The following ZFP14 variants were observed in gnomAD, a reference collection of about 807,000 sequenced individuals.
ZFP14 encodes the protein zinc finger protein 14 homolog.
A neutral mutation model predicts 54.5 loss-of-function variants in ZFP14; 22 were observed. The observed-to-expected ratio is 0.40, with a 90% CI of 0.29 to 0.58. ZFP14 has a LOEUF of 0.58. Ranked by LOEUF, ZFP14 falls within the 20% of genes least tolerant of loss-of-function variation. The pLI is 0.39. For synonymous variants in ZFP14, 159 were observed against 204.0 expected (o/e 0.78, Z 1.88); for missense variants, 470 against 637.8 (o/e 0.74, Z 2.83).
Position 36,376,710 on chromosome 19 carries a change from G to A in ZFP14, c.-80+2453C>T, listed in dbSNP as rs528153770. On this transcript the variant is annotated intron_variant, in intron 1 of 4. Transcript: ENST00000270001. The stretch of plus-strand genomic sequence containing the variant: ...GAAAAATATTAAATTACAACCTAAC[G>A]GTAACAAATCTACTGTGCACTTATT... Among the ~76,000 whole-genome samples, 15 of 152,158 alleles carry A rather than the reference G, an allele frequency of 9.9e-5. No individual in the cohort carries two copies. In the East Asian group the frequency reaches 1.5e-3, roughly 16 times the overall value.
chr19:36,377,489 G>T (rs1376410145), intron 1 of ZFP14, among the ~76,000 whole-genome samples: 2 of 151,826 alleles, frequency 1.3e-5, no homozygotes, highest in East Asian at 3.9e-4. Flanking sequence ...CCAGGCTGCA[G>T]GGAGCGAGAT....
At chr19:36,378,432 C>T (rs1264708843) in intron 1 of ZFP14, 1 of 152,202 alleles carries the variant, frequency 6.6e-6, no homozygotes, top group Non-Finnish European at 1.5e-5. Context: ...CTGTCTCTTC[C>T]TTCCTAGCCT....
At chr19:36,367,356 C>T (rs2031810309) in intron 2 of ZFP14, among the ~76,000 whole-genome samples, 1 of 152,150 alleles carries the variant, frequency 6.6e-6, no homozygotes, top group African/African-American at 2.4e-5. Flanking sequence ...CTCATTTCCG[C>T]TTTCTCACAG....
intron 1 of ZFP14, among the ~76,000 whole-genome samples, chr19:36,373,508 A>G (rs1385895100): frequency 2.0e-5 from 3 of 152,100 alleles, no homozygotes; most frequent in Admixed American, 6.6e-5. Flanking sequence ...AATATATTGT[A>G]TTACTGAAAA....
chr19:36,363,886 A>G (rs1478966828), intron 2 of ZFP14, among the ~76,000 whole-genome samples: 1 of 151,928 alleles, frequency 6.6e-6, no homozygotes, highest in Non-Finnish European at 1.5e-5. Flanking sequence ...GCTACTCAGG[A>G]GGCTGACGCA....
At chr19:36,354,978 A>G (rs1301251850) in intron 4 of ZFP14, among the ~76,000 whole-genome samples, 1 of 142,034 alleles carries the variant, frequency 7.0e-6, no homozygotes, top group Non-Finnish European at 1.6e-5. Context: ...GGCCCTTCTT[A>G]CTTTTCTTAA....
At chr19:36,344,448 A>G (rs1209776570) in intron 4 of ZFP14, among the ~76,000 whole-genome samples, 1 of 152,180 alleles carries the variant, frequency 6.6e-6, no homozygotes, top group African/African-American at 2.4e-5. Flanking sequence ...AACAATCTCT[A>G]TTATCACCAT....
chr19:36,352,304 G>C (rs1232323869), intron 4 of ZFP14, among the ~76,000 whole-genome samples: 1 of 142,654 alleles, frequency 7.0e-6, no homozygotes, highest in Non-Finnish European at 1.6e-5. Flanking sequence ...ACCACAAGAA[G>C]AAAAATAAAT....
intron 1 of ZFP14, among the ~76,000 whole-genome samples, chr19:36,369,009 T>C (rs2031838722): frequency 6.6e-6 from 1 of 152,164 alleles, no homozygotes; most frequent in Non-Finnish European, 1.5e-5. Flanking sequence ...AATTTTTATA[T>C]TTTTATATTT....
chr19:36,375,461 C>T (rs2031945601), intron 1 of ZFP14, among the ~76,000 whole-genome samples: 1 of 151,282 alleles, frequency 6.6e-6, no homozygotes, highest in Admixed American at 6.6e-5. Context: ...GATCTCGGCT[C>T]ACCACAACTT....
intron 2 of ZFP14, among the ~76,000 whole-genome samples, chr19:36,364,994 C>CTTTTTTTTTTTTTT (rs398034482): frequency 3.2e-4 from 20 of 61,976 alleles, no homozygotes; most frequent in East Asian, 5.2e-4. Flanking sequence ...TTTTCTTTTT[C>CTTTTTTTTTTTTTT]TTTTTTTTTT....
intron 4 of ZFP14, among the ~76,000 whole-genome samples, chr19:36,359,699 G>C (rs1378861812): frequency 6.6e-6 from 1 of 151,932 alleles, no homozygotes; most frequent in East Asian, 1.9e-4. Flanking sequence ...CTGTCACTCA[G>C]GCTGGAGTGC....
chr19:36,346,064 T>C lies in ZFP14; in HGVS notation c.236-4474A>G, dbSNP rs529377743. On this transcript the variant is annotated intron_variant, in intron 4 of 4. Transcript: ENST00000270001. ...ACCCAGCACTTTGGGAGGCTGAGGC[T>C]GGAGGATTGCTTGAGCCCAGGAGTT... Among the ~76,000 whole-genome samples the C allele has an allele frequency of 7.8e-4, 118 of 152,170 alleles. 1 individual carries two copies. The Middle Eastern group carries it at 0.01, about 13-fold the overall frequency.
At chr19:36,377,065 C>T (rs1299339904) in intron 1 of ZFP14, among the ~76,000 whole-genome samples, 1 of 152,162 alleles carries the variant, frequency 6.6e-6, no homozygotes, top group African/African-American at 2.4e-5. Context: ...TCTAATAACC[C>T]CTTCCCTTGT....
chr19:36,368,781 G>A (rs568139059), intron 1 of ZFP14, among the ~76,000 whole-genome samples: 4 of 152,178 alleles, frequency 2.6e-5, no homozygotes, highest in South Asian at 2.1e-4. Context: ...AGGAAAGCTC[G>A]CCACTCCAGT....
At chr19:36,366,965 C>G (rs1315344506) in intron 2 of ZFP14, among the ~76,000 whole-genome samples, 2 of 152,030 alleles carry the variant, frequency 1.3e-5, no homozygotes, top group South Asian at 4.2e-4. Context: ...ACAATCCTGT[C>G]CAACATGGTG....
Position 36,341,610 on chromosome 19 carries a change from C to A in ZFP14, c.236-20G>T. ...CCAAATCTGAAAGAAAACAAGAAAG[C>A]AAATACATACTGTTTTCCTGTTCCA... On this transcript the variant is annotated intron_variant, in intron 4 of 4. Coordinates refer to ENST00000270001, the MANE Select transcript of ZFP14 (RefSeq NM_020917.3). The surrounding 1 kb of genome is among the most constrained non-coding windows in gnomAD (Gnocchi z 4.2). The A allele has an allele frequency of 6.5e-7, 1 of 1,530,808 alleles. No homozygotes were observed. Among genetic ancestry groups the A allele is most frequent in the Non-Finnish European group, 8.7e-7 (1 of 1,145,190 alleles). The allele number at this position is 1,530,808 out of a possible 1,614,324, so 94.8% of individuals were successfully genotyped here.
In ZFP14 at chr19:36,362,164, C is replaced by T. The variant is rs1391096021; in HGVS notation, c.84G>A (p.Arg28=). ...EEWEFLDPAQ[R]DLYRDVMWEN... ...CCCACATTACATCCCTATATAAGTC[C>T]CTCTGAGCAGGATCCAGGAATTCCC... Residue 28 remains arginine, a synonymous_variant, in exon 3 of 5, where the codon AGG becomes AGA. Coordinates refer to ENST00000270001, the MANE Select transcript of ZFP14 (RefSeq NM_020917.3). 4.3e-6 allele frequency: 7 copies of T among 1,612,148 alleles called. No homozygotes were observed. In the South Asian group the frequency reaches 5.5e-5, roughly 13 times the overall value.
intron 4 of ZFP14, among the ~76,000 whole-genome samples, chr19:36,342,083 C>T (rs1162126008): frequency 6.6e-6 from 1 of 151,816 alleles, no homozygotes; most frequent in Non-Finnish European, 1.5e-5. Flanking sequence ...TATCGATCTC[C>T]TGACCTCGTG....
Sources: gnomAD v4.1 joint callset for allele counts (sites outside exome capture counted in the v4.1 genomes callset) on GRCh38, gnomAD v4.1.1 for gene constraint, Gnocchi (gnomAD v3.1) non-coding constraint, MANE v1.5 for transcripts, NCBI Gene and HGNC (gene_info 2026-07-23, HGNC 2026-07-21) for gene names.